Variants in ABLIM1 observed in about 807,000 individuals in gnomAD.
ABLIM1 encodes the protein actin binding LIM protein 1.
Under a neutral mutation model 107.0 loss-of-function variants are expected in ABLIM1, and 40 were observed. The ratio of observed to expected loss-of-function variants is 0.37; its 90% CI spans 0.29 to 0.49. The LOEUF (loss-of-function observed/expected upper bound fraction) is 0.49, where lower values mean the gene tolerates loss of function less well. Among genes scored for constraint, ABLIM1 ranks in the 20% least tolerant of loss-of-function variants. The pLI is 0.97. For missense variants in ABLIM1, 857 were observed against 1,008.5 expected (o/e 0.85, Z 2.04); for synonymous variants, 357 against 357.3 (o/e 1.00, Z 0.01).
At chr10:114,578,204 A>G (rs2072847492) in intron 2 of ABLIM1, among the ~76,000 whole-genome samples, 1 of 152,210 alleles carries the variant, frequency 6.6e-6, no homozygotes, top group Admixed American at 6.5e-5. Context: ...CCCAAGCTTT[A>G]GACCCTGATT....
rs1004160673 is a variant in ABLIM1, at chr10:114,541,549, T to C, written c.894+3456A>G. On this transcript the variant is annotated intron_variant, in intron 6 of 22. Coordinates refer to ENST00000533213, the MANE Select transcript of ABLIM1 (RefSeq NM_002313.7). ...CCAAGCCAAACCGACTCACAAGCTG[T>C]CACACGTCAGTGTGATAACCCTGCA... Among the ~76,000 whole-genome samples the C allele has an allele frequency of 2.0e-5, 3 of 152,096 alleles. No individual in the cohort carries two copies. The South Asian group carries it at 6.2e-4, about 32-fold the overall frequency.
At chr10:114,741,746 A>T (rs951192658) in intron 1 of ABLIM1, among the ~76,000 whole-genome samples, 1 of 152,248 alleles carries the variant, frequency 6.6e-6, no homozygotes, top group African/African-American at 2.4e-5. Context: ...TAGATTTATG[A>T]CTAATCAAAA....
chr10:114,767,815 G>T (rs750428941), intron 1 of ABLIM1, among the ~76,000 whole-genome samples: 1 of 152,158 alleles, frequency 6.6e-6, no homozygotes, highest in Admixed American at 6.5e-5. Context: ...CAGCCCAGAC[G>T]CGCGGCGGGC....
At chr10:114,790,702 G>A in the ABLIM1 span, among the ~76,000 whole-genome samples, 2,783 of 152,118 alleles carry the variant, frequency 0.018, 84 homozygotes, top group African/African-American at 0.064. Context: ...TTTCTCTAAG[G>A]GAAATTCCTT....
chr10:114,572,875 C>A (rs187693781), intron 3 of ABLIM1, among the ~76,000 whole-genome samples: 6 of 152,240 alleles, frequency 3.9e-5, no homozygotes, highest in African/African-American at 1.4e-4. Context: ...AAGAGGCACT[C>A]GTGCTCCGTG....
intron 6 of ABLIM1, among the ~76,000 whole-genome samples, chr10:114,517,590 G>A (rs1256292685): frequency 2.0e-5 from 3 of 151,986 alleles, no homozygotes; most frequent in Non-Finnish European, 2.9e-5. Context: ...AGGCATCAAC[G>A]ACAGCGCATA....
In ABLIM1 at chr10:114,539,440, A is replaced by T. The variant is rs528694484; in HGVS notation, c.894+5565T>A. On this transcript the variant is annotated intron_variant, in intron 6 of 22. Coordinates refer to ENST00000533213, the MANE Select transcript of ABLIM1 (RefSeq NM_002313.7). Reference sequence around the variant, plus strand: ...TCCAGAGAAGATTCCATATCTTAAGAAAGCACCATCAAAAACAATCTACTT... The same window carrying T: ...TCCAGAGAAGATTCCATATCTTAAGTAAGCACCATCAAAAACAATCTACTT... Among the ~76,000 whole-genome samples the T allele has an allele frequency of 2.0e-5, 3 of 152,338 alleles. No individual in the cohort carries two copies. The South Asian group carries it at 6.2e-4, about 32-fold the overall frequency.
At chr10:114,539,051 C>T (rs1469006444) in intron 6 of ABLIM1, among the ~76,000 whole-genome samples, 1 of 152,214 alleles carries the variant, frequency 6.6e-6, no homozygotes, top group Non-Finnish European at 1.5e-5. Context: ...TAGATTCAAC[C>T]TCTATCTAAT....
At chr10:114,647,226 T>A (rs1034273027) in intron 1 of ABLIM1, among the ~76,000 whole-genome samples, 1 of 145,636 alleles carries the variant, frequency 6.9e-6, no homozygotes, top group Non-Finnish European at 1.5e-5. Context: ...CTTGAACTGC[T>A]GACCTCAGGT....
At chr10:114,458,482 A>T (rs2063253133) in intron 12 of ABLIM1, among the ~76,000 whole-genome samples, 1 of 152,046 alleles carries the variant, frequency 6.6e-6, no homozygotes, top group Non-Finnish European at 1.5e-5. Flanking sequence ...TGCTGTGGGG[A>T]CCTGTTGGAG....
At chr10:114,478,941 A>AG (rs2056910426) in intron 8 of ABLIM1, among the ~76,000 whole-genome samples, 5 of 152,182 alleles carry the variant, frequency 3.3e-5, no homozygotes, top group Non-Finnish European at 7.3e-5. Flanking sequence ...ATATTGAAAT[A>AG]ATGGGATAAA....
At chr10:114,709,722 G>C (rs1319683448) in intron 1 of ABLIM1, among the ~76,000 whole-genome samples, 5 of 152,132 alleles carry the variant, frequency 3.3e-5, no homozygotes, top group African/African-American at 1.2e-4. Context: ...CAAAAATGTA[G>C]CAGGGAAAAT....
chr10:114,557,679 T>TTG (rs1479335744), intron 4 of ABLIM1, among the ~76,000 whole-genome samples: 177 of 149,458 alleles, frequency 1.2e-3, no homozygotes, highest in African/African-American at 3.5e-3. Flanking sequence ...GTGTTTTTTT[T>TTG]TTTTTTTTTT....
intron 6 of ABLIM1, among the ~76,000 whole-genome samples, chr10:114,500,325 C>G (rs1205019330): frequency 6.6e-6 from 1 of 152,094 alleles, no homozygotes; most frequent in Non-Finnish European, 1.5e-5. Context: ...GCAAGAGAAC[C>G]CAGGGCCTAA....
chr10:114,569,878 A>C (rs1008589519), intron 4 of ABLIM1, among the ~76,000 whole-genome samples: 1 of 152,228 alleles, frequency 6.6e-6, no homozygotes, highest in African/African-American at 2.4e-5. Flanking sequence ...CCAAGGATCC[A>C]GTCATGTGTG....
chr10:114,679,014 T>A (rs1377286639), intron 1 of ABLIM1, among the ~76,000 whole-genome samples: 3 of 152,142 alleles, frequency 2.0e-5, no homozygotes, highest in African/African-American at 7.2e-5. Flanking sequence ...GCCCTCTCAC[T>A]TTGAGACTGG....
At chr10:114,615,249 T>C (rs2140314390) in intron 1 of ABLIM1, among the ~76,000 whole-genome samples, 1 of 152,278 alleles carries the variant, frequency 6.6e-6, no homozygotes, top group Admixed American at 6.5e-5. Flanking sequence ...CCACCACCTC[T>C]TCCAGCCTCT....
intron 1 of ABLIM1, among the ~76,000 whole-genome samples, chr10:114,625,086 C>A (rs564810091): frequency 6.6e-6 from 1 of 152,208 alleles, no homozygotes; most frequent in East Asian, 1.9e-4. Context: ...CCCTTTAGAC[C>A]TTACTTAGGA....
intron 4 of ABLIM1, among the ~76,000 whole-genome samples, chr10:114,564,813 C>A (rs940763252): frequency 2.0e-5 from 3 of 152,162 alleles, no homozygotes; most frequent in Admixed American, 1.3e-4. Flanking sequence ...ATACTGTGCT[C>A]TTTTCTTTTT....
Sources: gnomAD v4.1 joint callset for allele counts (sites outside exome capture counted in the v4.1 genomes callset) on GRCh38, gnomAD v4.1.1 for gene constraint, MANE v1.5 for transcripts, NCBI Gene and HGNC (gene_info 2026-07-23, HGNC 2026-07-21) for gene names.